AKT3: variants seen among roughly 807,000 people sequenced by gnomAD.
AKT3 encodes the protein AKT serine/threonine kinase 3, also known as RAC-gamma serine/threonine-protein kinase.
A neutral mutation model predicts 65.3 loss-of-function variants in AKT3; 15 were observed. That is an observed-to-expected ratio of 0.23 (90% CI 0.15 to 0.35). The LOEUF is 0.35. Ranked by LOEUF, AKT3 falls within the 10% of genes least tolerant of loss-of-function variation. The pLI, the probability that AKT3 is intolerant of heterozygous loss-of-function variation, is 1.00. For missense variants in AKT3, 243 were observed against 576.5 expected (o/e 0.42, Z 5.92); for synonymous variants, 206 against 183.8 (o/e 1.12, Z -0.98).
intron 5 of AKT3, among the ~76,000 whole-genome samples, chr1:243,640,272 C>T (rs937770954): frequency 6.6e-6 from 1 of 152,072 alleles, no homozygotes; most frequent in African/African-American, 2.4e-5. Context: ...ATTAATAGAG[C>T]AGAAAAAATC....
intron 6 of AKT3, among the ~76,000 whole-genome samples, chr1:243,628,340 AC>A (rs1281564084): frequency 6.6e-6 from 1 of 151,862 alleles, no homozygotes; most frequent in Non-Finnish European, 1.5e-5. Context: ...CTTTGTGTCA[AC>A]CAGGCTGAAT....
chr1:243,527,867 TAA>T (rs1671217199), intron 12 of AKT3, among the ~76,000 whole-genome samples: 1 of 104,066 alleles, frequency 9.6e-6, no homozygotes, highest in Non-Finnish European at 1.8e-5. Flanking sequence ...CTCCATCTCT[TAA>T]AACACACACA....
chr1:243,705,817 A>C (rs555043695), intron 2 of AKT3, among the ~76,000 whole-genome samples: 1 of 152,300 alleles, frequency 6.6e-6, no homozygotes, highest in Admixed American at 6.5e-5. Context: ...TTTTGCTTAC[A>C]TCTGCACCCT....
intron 2 of AKT3, among the ~76,000 whole-genome samples, chr1:243,800,829 C>T (rs576282354): frequency 1.9e-4 from 29 of 152,114 alleles, no homozygotes; most frequent in African/African-American, 7.0e-4. Flanking sequence ...TTAGGATAAG[C>T]CATAAAATAC....
intron 2 of AKT3, among the ~76,000 whole-genome samples, chr1:243,825,419 A>C (rs1027101652): frequency 2.6e-5 from 4 of 152,256 alleles, no homozygotes; most frequent in African/African-American, 9.6e-5. Context: ...TCACAATGAC[A>C]ACTATTCAAA....
chr1:243,816,787 G>A (rs1693552489), intron 2 of AKT3, among the ~76,000 whole-genome samples: 1 of 152,112 alleles, frequency 6.6e-6, no homozygotes, highest in Non-Finnish European at 1.5e-5. Flanking sequence ...TATAAAGGGA[G>A]AAAGGGCAGA....
intron 4 of AKT3, among the ~76,000 whole-genome samples, chr1:243,651,942 C>T (rs1190971051): frequency 2.0e-5 from 3 of 152,116 alleles, no homozygotes; most frequent in African/African-American, 7.2e-5. Flanking sequence ...GGTAGGGTTT[C>T]CCACAAAGGG....
At chr1:243,722,055 A>G (rs1686944669) in intron 2 of AKT3, among the ~76,000 whole-genome samples, 1 of 152,122 alleles carries the variant, frequency 6.6e-6, no homozygotes, top group African/African-American at 2.4e-5. Flanking sequence ...TTCCAAACAC[A>G]TTTTGGCTAT....
At chr1:243,696,537 C>G (rs767014369) in intron 2 of AKT3, among the ~76,000 whole-genome samples, 4 of 151,986 alleles carry the variant, frequency 2.6e-5, no homozygotes, top group Non-Finnish European at 5.9e-5. Flanking sequence ...AGAAGGCTAT[C>G]TGGTATTGAT....
At chr1:243,802,329 T>C (rs1001679796) in intron 2 of AKT3, among the ~76,000 whole-genome samples, 1 of 152,112 alleles carries the variant, frequency 6.6e-6, no homozygotes, top group African/African-American at 2.4e-5. Flanking sequence ...AACGAAACCA[T>C]GACAGGCAGC....
intron 2 of AKT3, among the ~76,000 whole-genome samples, chr1:243,834,020 G>A (rs1694722987): frequency 6.6e-6 from 1 of 151,970 alleles, no homozygotes; most frequent in African/African-American, 2.4e-5. Flanking sequence ...CATTTTGAAG[G>A]ATTTTTTAAA....
chr1:243,619,459 CA>C lies in AKT3; in HGVS notation c.562-4299del, dbSNP rs1344929010. Among the ~76,000 whole-genome samples, 11 of 101,606 alleles carry C rather than the reference CA, an allele frequency of 1.1e-4. 4 individuals are homozygous for C. The highest frequency in any genetic ancestry group is 2.8e-4 in the Non-Finnish European group (10 of 35,986). The allele number at this position is 101,606 out of a possible 152,430, so 66.7% of individuals were successfully genotyped here. A position where few individuals can be genotyped will look rare whatever the true frequency, so the allele number is the denominator to read the frequency against. ...AACTATCTAACACTAGGTCTTATTA[CA>C]ACTGTACTTCTGTACCTATTAATCA... On this transcript the variant is annotated intron_variant, in intron 6 of 13. Coordinates refer to ENST00000673466, the MANE Select transcript of AKT3 (RefSeq NM_005465.7).
chr1:243,846,866 G>A (rs1056126030), intron 1 of AKT3, among the ~76,000 whole-genome samples: 2 of 152,176 alleles, frequency 1.3e-5, no homozygotes, highest in African/African-American at 4.8e-5. Flanking sequence ...TTTTTCTTAT[G>A]TGAAAATCAC....
chr1:243,659,843 T>A (rs1364790783), intron 4 of AKT3, among the ~76,000 whole-genome samples: 2 of 152,222 alleles, frequency 1.3e-5, no homozygotes, highest in Non-Finnish European at 2.9e-5. Context: ...CTCTAAGTCT[T>A]CAATGATATT....
intron 9 of AKT3, among the ~76,000 whole-genome samples, chr1:243,569,187 C>A (rs1217976783): frequency 6.6e-6 from 1 of 152,208 alleles, no homozygotes; most frequent in African/African-American, 2.4e-5. Context: ...CAAAATGTCA[C>A]AAGCTAACCT....
chr1:243,587,557 G>A (rs925950925), intron 8 of AKT3, among the ~76,000 whole-genome samples: 1 of 152,142 alleles, frequency 6.6e-6, no homozygotes, highest in South Asian at 2.1e-4. Flanking sequence ...CTTGCAGTAA[G>A]CCGAGACTGC....
chr1:243,792,331 C>T (rs139808873), intron 2 of AKT3, among the ~76,000 whole-genome samples: 6 of 152,148 alleles, frequency 3.9e-5, no homozygotes, highest in Non-Finnish European at 8.8e-5. Flanking sequence ...GTCTCCAATG[C>T]TGCCAATCAT....
intron 12 of AKT3, among the ~76,000 whole-genome samples, chr1:243,539,757 A>AG: frequency 6.6e-6 from 1 of 152,336 alleles, no homozygotes; most frequent in African/African-American, 2.4e-5. Flanking sequence ...AGGAATCACA[A>AG]GGGGAATTAA....
At chr1:243,498,229 A>G (rs1181580093), downstream of AKT3, among the ~76,000 whole-genome samples, 1 of 152,134 alleles carries the variant, frequency 6.6e-6, no homozygotes, top group Non-Finnish European at 1.5e-5. Flanking sequence ...TGCGTTTGAC[A>G]ATCAGATCGT....
Sources: gnomAD v4.1 joint callset for allele counts (sites outside exome capture counted in the v4.1 genomes callset) on GRCh38, gnomAD v4.1.1 for gene constraint, MANE v1.5 for transcripts, NCBI Gene and HGNC (gene_info 2026-07-23, HGNC 2026-07-21) for gene names.